The following KCNMB4 variants were observed in gnomAD, a reference collection of about 807,000 sequenced individuals.
KCNMB4 encodes the protein potassium calcium-activated channel subfamily M regulatory beta subunit 4.
A neutral mutation model predicts 20.7 loss-of-function variants in KCNMB4; 3 were observed. The ratio of observed to expected loss-of-function variants is 0.14; its 90% CI spans 0.07 to 0.37. The LOEUF is 0.37. KCNMB4 is among the 10% of genes least tolerant of loss of function. KCNMB4 has a pLI of 1.00. For missense variants in KCNMB4, 168 were observed against 265.9 expected (o/e 0.63, Z 2.56); for synonymous variants, 110 against 113.4 (o/e 0.97, Z 0.19).
chr12:70,367,386 G>A lies in KCNMB4; in HGVS notation c.336+316G>A, dbSNP rs532563850. Among the ~76,000 whole-genome samples the A allele has an allele frequency of 5.3e-5, 8 of 152,266 alleles. No homozygotes were observed. In the South Asian group the frequency reaches 1.7e-3, roughly 32 times the overall value. ...CGGACTGGGTTTGGAGAAGTGCAAG[G>A]AGCCAAGAAAGTTAACTTTTCCTCC... is the stretch of plus-strand genomic sequence containing the variant. On this transcript the variant is annotated intron_variant, in intron 1 of 2. Transcript: ENST00000258111.
chr12:70,403,067 GA>G (rs1226737794), intron 2 of KCNMB4, among the ~76,000 whole-genome samples: 1 of 152,188 alleles, frequency 6.6e-6, no homozygotes, highest in Non-Finnish European at 1.5e-5. Context: ...GTCACTTGGA[GA>G]CGGGGTATAC....
rs970635398 is a variant in KCNMB4 at position 70,367,091 on chromosome 12, C to T, written c.336+21C>T. On this transcript the variant is annotated intron_variant, in intron 1 of 2. Transcript: ENST00000258111. ...CCAAGGTAAGAACGCCCCGCGCACC[C>T]AGGGGCTCCCCGCGAGGGAGGTTTG... is the stretch of plus-strand genomic sequence containing the variant. 5.4e-6 allele frequency: 8 copies of T among 1,486,324 alleles called. No homozygotes were observed. The African/African-American group carries it at 9.7e-5, about 18-fold the overall frequency. The allele number at this position is 1,486,324 out of a possible 1,614,324, so 92.1% of individuals were successfully genotyped here.
At chr12:70,385,975 A>G (rs1489736270) in intron 1 of KCNMB4, among the ~76,000 whole-genome samples, 2 of 152,236 alleles carry the variant, frequency 1.3e-5, no homozygotes, top group Admixed American at 6.5e-5. Flanking sequence ...AGAAACAGAA[A>G]TAAGGAAAAC....
At chr12:70,418,582 T>G (rs181086830) in intron 2 of KCNMB4, among the ~76,000 whole-genome samples, 1 of 152,316 alleles carries the variant, frequency 6.6e-6, no homozygotes, top group Non-Finnish European at 1.5e-5. Flanking sequence ...TTGAAGATTT[T>G]GAGACAAAGG....
intron 1 of KCNMB4, among the ~76,000 whole-genome samples, chr12:70,393,463 A>AG (rs1868319118): frequency 6.6e-6 from 1 of 152,074 alleles, no homozygotes; most frequent in African/African-American, 2.4e-5. Context: ...GGCCCCCCAA[A>AG]GTGCTGGGAT....
chr12:70,423,952 A>G (rs1869139262), intron 2 of KCNMB4, among the ~76,000 whole-genome samples: 1 of 152,234 alleles, frequency 6.6e-6, no homozygotes, highest in Non-Finnish European at 1.5e-5. Flanking sequence ...TTAACCAGAG[A>G]AAAAGCATAC....
chr12:70,387,523 C>A (rs541275013), intron 1 of KCNMB4, among the ~76,000 whole-genome samples: 1 of 151,734 alleles, frequency 6.6e-6, no homozygotes, highest in South Asian at 2.1e-4. Context: ...CTGCCTCAGC[C>A]TCCCAAGTAG....
At chr12:70,397,325 G>A (rs1868363046) in intron 1 of KCNMB4, among the ~76,000 whole-genome samples, 2 of 152,034 alleles carry the variant, frequency 1.3e-5, no homozygotes, top group South Asian at 4.2e-4. Flanking sequence ...TCCAGCCTGG[G>A]TCACAGAGCA....
chr12:70,427,067 G>A (rs1247443010), intron 2 of KCNMB4, among the ~76,000 whole-genome samples: 2 of 152,124 alleles, frequency 1.3e-5, no homozygotes, highest in Non-Finnish European at 2.9e-5. Context: ...CACCATCCTG[G>A]TTTTATTATG....
intron 1 of KCNMB4, among the ~76,000 whole-genome samples, chr12:70,373,545 G>A (rs1227345786): frequency 6.6e-6 from 1 of 152,200 alleles, no homozygotes; most frequent in Non-Finnish European, 1.5e-5. Context: ...TTTTAGCCCA[G>A]TGAGACACAT....
chr12:70,425,134 CA>C (rs751901136), intron 2 of KCNMB4, among the ~76,000 whole-genome samples: 1 of 151,660 alleles, frequency 6.6e-6, no homozygotes, highest in Non-Finnish European at 1.5e-5. Context: ...GGAGTTTTGC[CA>C]AAAAAACAAA....
At chr12:70,401,297 A>G (rs548667705) in intron 2 of KCNMB4, among the ~76,000 whole-genome samples, 1 of 152,326 alleles carries the variant, frequency 6.6e-6, no homozygotes, top group African/African-American at 2.4e-5. Context: ...AAGTGCTGAA[A>G]TTACAGGCGT....
At chr12:70,407,418 C>A (rs527629778) in intron 2 of KCNMB4, among the ~76,000 whole-genome samples, 17 of 149,332 alleles carry the variant, frequency 1.1e-4, no homozygotes, top group African/African-American at 3.9e-4. Flanking sequence ...AGCCAACTCT[C>A]CCTTGCCTGG....
Position 70,377,998 on chromosome 12 carries a change from G to A in KCNMB4, c.336+10928G>A, listed in dbSNP as rs1245537303. ...GGAGTCTTGCCCTGTTGCCCAGGCTGGAGTGCAGTGGTGTAATCTCGTCTC... is the reference window on the plus strand; with the variant it reads ...GGAGTCTTGCCCTGTTGCCCAGGCTAGAGTGCAGTGGTGTAATCTCGTCTC... On this transcript the variant is annotated intron_variant, in intron 1 of 2. Transcript: ENST00000258111. 2.7e-5 allele frequency among the ~76,000 whole-genome samples: 4 copies of A among 148,538 alleles called. No individual in the cohort carries two copies. The East Asian group carries it at 8.0e-4, about 30-fold the overall frequency.
At chr12:70,420,294 A>G (rs965161886) in intron 2 of KCNMB4, among the ~76,000 whole-genome samples, 1 of 152,192 alleles carries the variant, frequency 6.6e-6, no homozygotes. Context: ...CTTTGCTACC[A>G]TGTTACCTTG....
chr12:70,430,776 T>C lies in KCNMB4; in HGVS notation c.*123T>C, dbSNP rs1387786356. ...GGGCCACGACAGGGCTCTGAGAGGC[T>C]CATCCCTCAGTGGCAACAGAAACAG... On this transcript the variant is annotated 3_prime_UTR_variant, in exon 3 of 3. Transcript: ENST00000258111. 5.4e-6 allele frequency: 5 copies of C among 925,078 alleles called. No individual in the cohort carries two copies. The highest frequency in any genetic ancestry group is 6.1e-6 in the Non-Finnish European group (4 of 661,036). 57.3% of individuals were successfully genotyped at this position (925,078 alleles called of 1,614,324 possible). A position where few individuals can be genotyped will look rare whatever the true frequency, so the allele number is the denominator to read the frequency against.
At position 70,370,158 on chromosome 12, in the gene KCNMB4, CAA is replaced by C. The variant is rs530871827; in HGVS notation, c.336+3089_336+3090del. On this transcript the variant is annotated intron_variant, in intron 1 of 2. Transcript: ENST00000258111. ...TTCTGTGATGATTCTAATGTGAAGA[CAA>C]GATTCAAAAACCACTGTCTTAGAAA... 4.7e-3 allele frequency among the ~76,000 whole-genome samples: 711 copies of C among 152,122 alleles called. 13 individuals are homozygous for C. The highest frequency in any genetic ancestry group is 0.016 in the African/African-American group (660 of 41,494).
At chr12:70,428,653 C>T (rs1033234844) in intron 2 of KCNMB4, among the ~76,000 whole-genome samples, 1 of 152,180 alleles carries the variant, frequency 6.6e-6, no homozygotes, top group African/African-American at 2.4e-5. Context: ...CATGAAGTTT[C>T]TTGAAAATTT....
intron 1 of KCNMB4, among the ~76,000 whole-genome samples, chr12:70,370,829 G>C (rs1334558620): frequency 6.6e-6 from 1 of 150,866 alleles, no homozygotes; most frequent in Non-Finnish European, 1.5e-5. Flanking sequence ...ACAAGACAGA[G>C]TGAGTGATTA....
Sources: gnomAD v4.1 joint callset for allele counts (sites outside exome capture counted in the v4.1 genomes callset) on GRCh38, gnomAD v4.1.1 for gene constraint, MANE v1.5 for transcripts, NCBI Gene and HGNC (gene_info 2026-07-23, HGNC 2026-07-21) for gene names.